The following DNAH3 variants were observed in gnomAD, a reference collection of about 807,000 sequenced individuals.
DNAH3 encodes the protein axonemal beta dynein heavy chain 3.
In DNAH3, 332 loss-of-function variants were observed where a neutral mutation model predicts 432.5. The observed-to-expected ratio is 0.77, with a 90% CI of 0.70 to 0.84. The LOEUF (loss-of-function observed/expected upper bound fraction) is 0.84. Ranked by LOEUF, DNAH3 falls within the 40% of genes least tolerant of loss-of-function variation. The pLI, the probability that DNAH3 is intolerant of heterozygous loss-of-function variation, is 0.00. For synonymous variants in DNAH3, 1,956 were observed against 1,900.2 expected (o/e 1.03, Z -0.76); for missense variants, 4,861 against 5,114.0 (o/e 0.95, Z 1.51).
chr16:21,013,995 C>T (rs2087741935), intron 41 of DNAH3, among the ~76,000 whole-genome samples: 1 of 152,100 alleles, frequency 6.6e-6, no homozygotes, highest in South Asian at 2.1e-4. Context: ...CTGGTGAATT[C>T]TATCAAACAT....
At chr16:21,125,412 G>C (rs1567835010) in intron 8 of DNAH3, 42 bp from the exon 10 acceptor site, 1 of 1,500,818 alleles carries the variant, frequency 6.7e-7, no homozygotes, top group Non-Finnish European at 8.9e-7. Flanking sequence ...GCTCTTCTGG[G>C]CTCCGAGGAA....
chr16:21,155,344 C>G (rs1217566764), intron 1 of DNAH3, among the ~76,000 whole-genome samples: 3 of 151,970 alleles, frequency 2.0e-5, no homozygotes, highest in Non-Finnish European at 4.4e-5. Flanking sequence ...TGTTTTAGGG[C>G]CGGGAGCAGT....
At chr16:21,089,503 A>T (rs1235983980) in intron 18 of DNAH3, among the ~76,000 whole-genome samples, 1 of 152,232 alleles carries the variant, frequency 6.6e-6, no homozygotes, top group Non-Finnish European at 1.5e-5. Flanking sequence ...AAGTAAAATC[A>T]TGCAAAGTGT....
chr16:20,963,732 C>G, exon 53 of DNAH3: 1 of 1,614,068 alleles, frequency 6.2e-7, no homozygotes. Context: ...TTTCCTTCTT[C>G]TGTTTCATGA....
At chr16:21,080,585 C>T (rs1395730538) in intron 20 of DNAH3, among the ~76,000 whole-genome samples, 1 of 152,200 alleles carries the variant, frequency 6.6e-6, no homozygotes, top group African/African-American at 2.4e-5. Context: ...CTGCTTTGGA[C>T]AGTGCTGACC....
At chr16:21,094,553 C>A (rs2091625664) in intron 18 of DNAH3, among the ~76,000 whole-genome samples, 1 of 152,018 alleles carries the variant, frequency 6.6e-6, no homozygotes, top group Non-Finnish European at 1.5e-5. Context: ...CTCCTGTAAT[C>A]CCAGCTAAAT....
At chr16:20,950,455 A>T (rs426918) in intron 56 of DNAH3, among the ~76,000 whole-genome samples, 1 of 152,144 alleles carries the variant, frequency 6.6e-6, no homozygotes, top group Non-Finnish European at 1.5e-5. Context: ...ATCTCCAGAC[A>T]TTGCCAAATA....
chr16:21,002,479 G>C (rs1050685536), intron 42 of DNAH3, among the ~76,000 whole-genome samples: 4 of 118,046 alleles, frequency 3.4e-5, no homozygotes, highest in African/African-American at 1.3e-4. Context: ...TTATTATTTT[G>C]AGACAGAGTT....
intron 56 of DNAH3, among the ~76,000 whole-genome samples, chr16:20,951,401 C>T (rs1282700945): frequency 4.6e-5 from 7 of 151,688 alleles, no homozygotes; most frequent in African/African-American, 1.7e-4. Flanking sequence ...TGCTGCCCTT[C>T]TACTTATAAA....
In DNAH3 at chr16:20,972,236, CTCTT is replaced by C. The variant is rs941075169; in HGVS notation, c.8260-2250_8260-2247del. Among the ~76,000 whole-genome samples the C allele has an allele frequency of 5.2e-4, 77 of 147,310 alleles. No homozygotes were observed. The Middle Eastern group carries it at 0.014, about 26-fold the overall frequency. ...TTGAAATCTCCTGATTTTTTTTTCT[CTCTT>C]TTTTTTTTTTTGAGATAAGATCTTA... On this transcript the variant is annotated intron_variant, in intron 51 of 61. Coordinates refer to ENST00000261383, the Ensembl canonical transcript of DNAH3.
intron 50 of DNAH3, among the ~76,000 whole-genome samples, chr16:20,978,131 T>C (rs923564310): frequency 1.3e-5 from 2 of 152,348 alleles, no homozygotes; most frequent in Non-Finnish European, 1.5e-5. Context: ...TAATAACTCA[T>C]GTGCCAGGCA....
chr16:21,101,360 A>ATG (rs1286330640), intron 16 of DNAH3, among the ~76,000 whole-genome samples: 1 of 152,106 alleles, frequency 6.6e-6, no homozygotes, highest in Admixed American at 6.6e-5. Flanking sequence ...AGCTGTGTGT[A>ATG]TGTGTGTGTG....
At chr16:20,969,096 G>C (rs924424246) in intron 52 of DNAH3, among the ~76,000 whole-genome samples, 13 of 147,206 alleles carry the variant, frequency 8.8e-5, no homozygotes, top group East Asian at 2.0e-4. Context: ...CTGTGTGTGT[G>C]TGTGTGTGTG....
chr16:21,116,018 C>T (rs927316821), intron 12 of DNAH3, among the ~76,000 whole-genome samples: 1 of 152,102 alleles, frequency 6.6e-6, no homozygotes, highest in African/African-American at 2.4e-5. Flanking sequence ...TGCTAAACAG[C>T]CCACCACGCA....
intron 31 of DNAH3, 88 bp downstream of exon 31, chr16:21,049,481 T>C (rs2089862134): frequency 1.0e-6 from 1 of 1,001,688 alleles, no homozygotes; most frequent in African/African-American, 1.6e-5. Flanking sequence ...ACAAGAGATA[T>C]AAGGCCCTGT....
chr16:21,013,550 GTC>G (rs1402348881), intron 41 of DNAH3, among the ~76,000 whole-genome samples: 2 of 151,682 alleles, frequency 1.3e-5, no homozygotes, highest in Non-Finnish European at 2.9e-5. Flanking sequence ...GAGAAACCCC[GTC>G]TCTACCAAAA....
At chr16:21,151,139 T>TCA (rs1208088105) in intron 1 of DNAH3, among the ~76,000 whole-genome samples, 4 of 152,206 alleles carry the variant, frequency 2.6e-5, no homozygotes, top group African/African-American at 9.6e-5. Context: ...CCTACTCTTC[T>TCA]CATTAATTAG....
At chr16:20,961,489 TATA>T (rs1188242529) in intron 53 of DNAH3, among the ~76,000 whole-genome samples, 5 of 151,206 alleles carry the variant, frequency 3.3e-5, no homozygotes, top group Non-Finnish European at 7.4e-5. Flanking sequence ...GAACGTAAAG[TATA>T]ATAATAAAAA....
chr16:20,988,145 G>A (rs1321716470), intron 44 of DNAH3, 80 bp from the exon 45 acceptor site: 5 of 1,568,342 alleles, frequency 3.2e-6, no homozygotes, highest in Non-Finnish European at 4.3e-6. Flanking sequence ...ATGCACACGA[G>A]GTGGCTTTGC....
Sources: allele counts gnomAD v4.1 joint callset (sites outside exome capture counted in the v4.1 genomes callset), GRCh38; gene constraint gnomAD v4.1.1; transcripts MANE v1.5; gene names NCBI Gene and HGNC (gene_info 2026-07-23, HGNC 2026-07-21).